TJP2: variants seen among roughly 807,000 people sequenced by gnomAD.
TJP2 encodes the protein Friedreich ataxia region gene X104 (tight junction protein ZO-2).
Under a neutral mutation model 133.1 loss-of-function variants are expected in TJP2, and 91 were observed. That is an observed-to-expected ratio of 0.68 (90% confidence interval 0.58 to 0.81). The LOEUF (loss-of-function observed/expected upper bound fraction) is 0.81. Among genes scored for constraint, TJP2 ranks in the 40% least tolerant of loss-of-function variants. TJP2 has a pLI of 0.00. For missense variants in TJP2, 1,541 were observed against 1,565.6 expected (o/e 0.98, Z 0.26); for synonymous variants, 592 against 583.4 (o/e 1.01, Z -0.21).
At chr9:69,212,415 A>G in intron 1 of TJP2, 133 bp from the exon 2 acceptor site, 1 of 711,998 alleles carries the variant, frequency 1.4e-6, no homozygotes, top group East Asian at 2.7e-5. Flanking sequence ...AGCATAATGA[A>G]CAGATATTAA....
At chr9:69,221,579 A>C in intron 5 of TJP2, 83 bp downstream of exon 5, 1 of 1,519,532 alleles carries the variant, frequency 6.6e-7, no homozygotes, top group Non-Finnish European at 8.9e-7. Flanking sequence ...TTCCCCCGAA[A>C]GTGTTGCTCT....
At chr9:69,191,460 T>C (rs2133064657) in intron 1 of TJP2, among the ~76,000 whole-genome samples, 1 of 152,326 alleles carries the variant, frequency 6.6e-6, no homozygotes, top group South Asian at 2.1e-4. Flanking sequence ...AACAATAAAG[T>C]GCTGGTGTGG....
At chr9:69,223,284 C>T (rs367576075) in intron 5 of TJP2, among the ~76,000 whole-genome samples, 1,181 of 102,238 alleles carry the variant, frequency 0.012, 8 homozygotes, top group African/African-American at 0.04. Context: ...TAGGAGGCTT[C>T]GTTTCTGTTT....
At position 69,234,636 on chromosome 9, in the gene TJP2, T is replaced by C. The variant is rs1395516415; in HGVS notation, c.1780+89T>C. 5.0e-6 allele frequency: 5 copies of C among 999,278 alleles called. No individual in the cohort carries two copies. The East Asian group carries it at 9.9e-5, about 20-fold the overall frequency. The allele number at this position is 999,278 out of a possible 1,614,324, so 61.9% of individuals were successfully genotyped here. ...GTGTCTTGGTACCAGAATAGGCAAA[T>C]CTGGGTATTAAAAAATTGAGATGGA... On this transcript the variant is annotated intron_variant, in intron 12 of 22. Coordinates refer to ENST00000377245, the MANE Select transcript of TJP2 (RefSeq NM_004817.4).
chr9:69,237,808 A>G, intron 14 of TJP2, 70 bp from the exon 15 acceptor site: 1 of 1,113,076 alleles, frequency 9.0e-7, no homozygotes, highest in Non-Finnish European at 1.4e-6. Flanking sequence ...AAGCCCATAC[A>G]ATACTTTTAC....
At chr9:69,150,331 G>C (rs1468456856) in intron 1 of TJP2, among the ~76,000 whole-genome samples, 1 of 126,014 alleles carries the variant, frequency 7.9e-6, no homozygotes, top group Non-Finnish European at 1.6e-5. Context: ...TTTCACTCTT[G>C]TCGCCAGGCT....
intron 1 of TJP2, among the ~76,000 whole-genome samples, chr9:69,212,103 A>G (rs964504192): frequency 2.0e-5 from 3 of 152,198 alleles, no homozygotes; most frequent in Non-Finnish European, 4.4e-5. Context: ...AGATCACCCA[A>G]TTGGGCATAC....
intron 1 of TJP2, among the ~76,000 whole-genome samples, chr9:69,147,150 T>C (rs913811920): frequency 9.2e-5 from 14 of 152,214 alleles, no homozygotes; most frequent in African/African-American, 3.4e-4. Flanking sequence ...TTGTAATGAC[T>C]AAACTGAGAT....
rs199557806 is a variant in TJP2, at chr9:69,174,357, G to C, written c.-16G>C. The stretch of plus-strand genomic sequence containing the variant: ...GGGGTCCGGAGCTGCGCGCCTACGC[G>C]GGACCTGTGTCCGAAATGCCGGTGC... On this transcript the variant is annotated 5_prime_UTR_variant, in exon 1 of 23. Transcript: ENST00000377245. 3 of 1,551,550 alleles carry C rather than the reference G, an allele frequency of 1.9e-6. No homozygotes were observed. In the South Asian group the frequency reaches 3.6e-5, roughly 18 times the overall value.
chr9:69,219,768 A>G (rs765288020), intron 4 of TJP2, among the ~76,000 whole-genome samples: 24 of 152,190 alleles, frequency 1.6e-4, no homozygotes, highest in Non-Finnish European at 2.8e-4. Context: ...TCCAGGATCC[A>G]AAGTTCACTC....
intron 1 of TJP2, among the ~76,000 whole-genome samples, chr9:69,195,511 G>T (rs1205468050): frequency 6.6e-6 from 1 of 151,912 alleles, no homozygotes; most frequent in African/African-American, 2.4e-5. Context: ...GTGGGGCCTT[G>T]CCATGGGCAA....
At chr9:69,198,031 C>CT (rs1202436778) in intron 1 of TJP2, among the ~76,000 whole-genome samples, 1 of 151,870 alleles carries the variant, frequency 6.6e-6, no homozygotes, top group African/African-American at 2.4e-5. Flanking sequence ...GAGGCGCAGT[C>CT]TTGGATGGAG....
At position 69,238,768 on chromosome 9, in the gene TJP2, C is replaced by T. The variant is rs183285809; in HGVS notation, c.2334C>T (p.Thr778=). ...CCACTGGAGTGGTCCGGTTAAATAC[C>T]GTGAGGCAAATTATTGAACAGGTGA... ...EKSTGVVRLN[T]VRQIIEQDKH... The change falls in exon 16 of 23, where the codon ACC becomes ACT. Residue 778 remains threonine, a synonymous_variant. Coordinates refer to ENST00000377245, the MANE Select transcript of TJP2 (RefSeq NM_004817.4). 137 of 1,613,692 alleles carry T rather than the reference C, an allele frequency of 8.5e-5. 2 individuals are homozygous for T. Among genetic ancestry groups the T allele is most frequent in the African/African-American group, 5.7e-4 (43 of 75,012 alleles).
intron 1 of TJP2, among the ~76,000 whole-genome samples, chr9:69,142,072 T>C (rs1823041741): frequency 6.6e-6 from 1 of 152,128 alleles, no homozygotes; most frequent in South Asian, 2.1e-4. Flanking sequence ...CACACAGGAA[T>C]GGATGAGGGT....
In TJP2 at chr9:69,127,348, C is replaced by T. The variant is rs1176395928; in HGVS notation, c.-131+5623C>T. Reference sequence around the variant, plus strand: ...CCTCCCAAAGTGTTGGAATTACAGGCGTCAGCCACCGCGCCCGGCCGCAAG... The same window carrying T: ...CCTCCCAAAGTGTTGGAATTACAGGTGTCAGCCACCGCGCCCGGCCGCAAG... On this transcript the variant is annotated intron_variant, in intron 1 of 5. Transcript: ENST00000423935. Among the ~76,000 whole-genome samples, 56 of 74,470 alleles carry T rather than the reference C, an allele frequency of 7.5e-4. 20 individuals are homozygous for T. Among genetic ancestry groups the T allele is most frequent in the African/African-American group, 2.3e-3 (56 of 24,360 alleles). The allele number at this position is 74,470 out of a possible 152,430, so 48.9% of individuals were successfully genotyped here.
intron 1 of TJP2, chr9:69,205,362 C>A: frequency 6.7e-7 from 1 of 1,489,516 alleles, no homozygotes; most frequent in Non-Finnish European, 8.9e-7. Context: ...CATCTTTCAG[C>A]AACAAATTGT....
rs375244684 is a variant in TJP2, at chr9:69,254,234, G to A, written c.3433G>A (p.Ala1145Thr). Residue 1145 changes from alanine (A) to threonine (T), a missense_variant, in exon 23 of 23, where the codon GCT (alanine) becomes ACT (threonine). Coordinates refer to ENST00000377245, the MANE Select transcript of TJP2 (RefSeq NM_004817.4). ...TSSRPPEPQKAPSRPYQDTRG... is the reference protein window; with the variant it reads ...TSSRPPEPQKTPSRPYQDTRG... ...TTCCAGACCCCCTGAGCCACAGAAA[G>A]CTCCTTCCAGACCTTATCAGGATAC... 1.2e-6 allele frequency: 2 copies of A among 1,614,226 alleles called. No individual in the cohort carries two copies. Among genetic ancestry groups the A allele is most frequent in the Non-Finnish European group, 1.7e-6 (2 of 1,180,038 alleles).
chr9:69,238,686 A>C (rs1177445719), intron 15 of TJP2, 24 bp from the exon 16 acceptor site: 2 of 1,600,586 alleles, frequency 1.2e-6, no homozygotes, highest in Non-Finnish European at 1.7e-6. Flanking sequence ...ACAATTATTT[A>C]GCTTCCTGTT....
chr9:69,252,997 G>T (rs1159815225), intron 22 of TJP2, 97 bp downstream of exon 22: 7 of 1,164,980 alleles, frequency 6.0e-6, no homozygotes, highest in Middle Eastern at 4.3e-4. Flanking sequence ...CAGAGTAACA[G>T]GAGGATTTTT....
Sources: allele counts gnomAD v4.1 joint callset (sites outside exome capture counted in the v4.1 genomes callset), GRCh38; gene constraint gnomAD v4.1.1; transcripts MANE v1.5; gene names NCBI Gene and HGNC (gene_info 2026-07-23, HGNC 2026-07-21).